DSCAML1: variants seen among roughly 807,000 people sequenced by gnomAD.
DSCAML1 encodes DS cell adhesion molecule like 1.
A neutral mutation model predicts 200.5 loss-of-function variants in DSCAML1; 38 were observed. The observed-to-expected ratio is 0.19, with a 90% CI of 0.15 to 0.25. DSCAML1 has a LOEUF of 0.25. DSCAML1 is among the 10% of genes least tolerant of loss of function. The pLI, the probability that DSCAML1 is intolerant of heterozygous loss-of-function variation, is 1.00. For missense variants in DSCAML1, 2,223 were observed against 2,858.8 expected, an observed-to-expected ratio of 0.78 and a Z score of 5.07; for synonymous variants, 1,215 against 1,165.0, an observed-to-expected ratio of 1.04 and a Z score of -0.87.
intron 21 of DSCAML1, among the ~76,000 whole-genome samples, chr11:117,442,499 G>C (rs1414046816): frequency 6.6e-6 from 1 of 152,002 alleles, no homozygotes; most frequent in East Asian, 1.9e-4. Flanking sequence ...ACATGTATGA[G>C]TGTGCAGTGT....
intron 19 of DSCAML1, among the ~76,000 whole-genome samples, chr11:117,455,310 A>G (rs1286324285): frequency 6.6e-6 from 1 of 152,196 alleles, no homozygotes; most frequent in Non-Finnish European, 1.5e-5. Context: ...CTCTGCCTTA[A>G]CAGGTTCTAA....
rs770857018 is a variant in DSCAML1, at chr11:117,505,463, T to C, written c.2053A>G (p.Ile685Val). The change falls in exon 9 of 33, where the codon ATC (isoleucine) becomes GTC (valine). Residue 685 changes from isoleucine (I) to valine (V), a missense_variant. By Grantham distance (29) the Ile-to-Val change is conservative (BLOSUM62 3). Coordinates refer to ENST00000651296, the MANE Select transcript of DSCAML1 (RefSeq NM_020693.4). The surrounding 1 kb of genome is among the most constrained non-coding windows in gnomAD (Gnocchi z 6.7). ...GCCTGTCCCTGCTCACCACGCACGA[T>C]GAGCTGGCGCTCCCGGCTCACGGTG... ...AATVSRERQL[I>V]VRVPPRFVVQ... 2 of 1,610,624 alleles carry C rather than the reference T, an allele frequency of 1.2e-6. No individual in the cohort carries two copies. The highest frequency in any genetic ancestry group is 1.1e-5 in the South Asian group (1 of 91,052).
intron 3 of DSCAML1, among the ~76,000 whole-genome samples, chr11:117,707,508 T>A (rs2053776619): frequency 6.6e-6 from 1 of 152,104 alleles, no homozygotes. Flanking sequence ...GACCCCTGCT[T>A]AACCCAAGGA....
At chr11:117,617,185 G>T (rs1171175982) in intron 3 of DSCAML1, among the ~76,000 whole-genome samples, 1 of 152,172 alleles carries the variant, frequency 6.6e-6, no homozygotes, top group Admixed American at 6.5e-5. Context: ...CTGGTAAGGG[G>T]TTGGGGAGCT....
chr11:117,680,228 C>A (rs1363223822), intron 3 of DSCAML1, among the ~76,000 whole-genome samples: 2 of 152,184 alleles, frequency 1.3e-5, no homozygotes, highest in Non-Finnish European at 2.9e-5. Flanking sequence ...GACCCCCAAC[C>A]AGGAAAACCC....
chr11:117,460,487 G>C (rs1163678969), intron 18 of DSCAML1, among the ~76,000 whole-genome samples: 1 of 152,100 alleles, frequency 6.6e-6, no homozygotes, highest in Non-Finnish European at 1.5e-5. Flanking sequence ...GCAGGAGCTG[G>C]GTGGGGGGCA....
At chr11:117,690,159 A>G (rs1279983440) in intron 3 of DSCAML1, among the ~76,000 whole-genome samples, 1 of 152,250 alleles carries the variant, frequency 6.6e-6, no homozygotes, top group Non-Finnish European at 1.5e-5. Flanking sequence ...ATTAACTAAC[A>G]AAACTATAAA....
In DSCAML1 at chr11:117,481,034, G is replaced by A. The variant is rs115179218; in HGVS notation, c.2656+140C>T. On this transcript the variant is annotated intron_variant, in intron 13 of 32. Transcript: ENST00000651296. ...CTCTGGGCAGGAGGGCAGGTGGAGG[G>A]AGGCTTTTCCCCAGAAGGCAGTTTC... 1.1e-3 allele frequency: 849 copies of A among 781,080 alleles called. 12 individuals are homozygous for A. In the African/African-American group the frequency reaches 0.013, roughly 12 times the overall value. The allele number at this position is 781,080 out of a possible 1,614,324, so 48.4% of individuals were successfully genotyped here.
intron 14 of DSCAML1, among the ~76,000 whole-genome samples, chr11:117,472,461 C>T (rs2048705069): frequency 6.6e-6 from 1 of 152,200 alleles, no homozygotes; most frequent in Non-Finnish European, 1.5e-5. Flanking sequence ...GAGGCTAAGT[C>T]TCCTCTCCTT....
intron 3 of DSCAML1, among the ~76,000 whole-genome samples, chr11:117,733,235 T>C (rs1356971134): frequency 6.6e-6 from 1 of 152,134 alleles, no homozygotes; most frequent in African/African-American, 2.4e-5. Context: ...GAACCTCCTG[T>C]TGCTCTCCCC....
chr11:117,485,034 C>A (rs1037028226), intron 11 of DSCAML1, among the ~76,000 whole-genome samples: 16 of 152,042 alleles, frequency 1.1e-4, no homozygotes, highest in African/African-American at 3.4e-4. Flanking sequence ...CTGCACTAAC[C>A]CTTCCAGGAC....
chr11:117,769,914 A>G (rs2055006696), intron 3 of DSCAML1, among the ~76,000 whole-genome samples: 1 of 152,076 alleles, frequency 6.6e-6, no homozygotes, highest in Admixed American at 6.6e-5. Flanking sequence ...CAGTACCTTC[A>G]TGAGTTAAAT....
intron 4 of DSCAML1, among the ~76,000 whole-genome samples, chr11:117,525,575 T>C (rs2049963921): frequency 6.6e-6 from 1 of 151,968 alleles, no homozygotes; most frequent in East Asian, 1.9e-4. Context: ...TTCTCCTGTC[T>C]CAGCCTCCCA....
At chr11:117,787,784 C>A (rs1238212910) in intron 1 of DSCAML1, among the ~76,000 whole-genome samples, 1 of 152,214 alleles carries the variant, frequency 6.6e-6, no homozygotes, top group South Asian at 2.1e-4. Flanking sequence ...TTTGCTAATT[C>A]CCAGGCCTTA....
At chr11:117,448,531 A>G (rs1253980980) in intron 20 of DSCAML1, among the ~76,000 whole-genome samples, 1 of 151,774 alleles carries the variant, frequency 6.6e-6, no homozygotes, top group Non-Finnish European at 1.5e-5. Context: ...GGAACGTGCC[A>G]CGGGAAGAAG....
intron 3 of DSCAML1, among the ~76,000 whole-genome samples, chr11:117,695,479 G>T (rs1210229689): frequency 6.6e-6 from 1 of 152,054 alleles, no homozygotes; most frequent in Non-Finnish European, 1.5e-5. Flanking sequence ...AGGTAAGCTT[G>T]TCCAGAGAGC....
intron 1 of DSCAML1, among the ~76,000 whole-genome samples, chr11:117,788,774 T>C (rs1178232822): frequency 6.6e-6 from 1 of 152,180 alleles, no homozygotes; most frequent in African/African-American, 2.4e-5. Flanking sequence ...GGCTCTTAGG[T>C]CAAATAATTT....
chr11:117,528,932 G>GC (rs150220972), intron 4 of DSCAML1, among the ~76,000 whole-genome samples: 1,223 of 79,256 alleles, frequency 0.015, 10 homozygotes, highest in Admixed American at 0.043. Context: ...GCCGCCCCCC[G>GC]CCCCCCCCCT....
At position 117,465,096 on chromosome 11, in the gene DSCAML1, G is replaced by A. The variant is rs112058218; in HGVS notation, c.3111C>T (p.Tyr1037=). The change falls in exon 17 of 33, where the codon TAC becomes TAT. Residue 1037 remains tyrosine (Y), a synonymous_variant. Coordinates refer to ENST00000651296, the MANE Select transcript of DSCAML1 (RefSeq NM_020693.4). ...RENSPGSNGQ[Y]SIVEMKATGD... ...CCGTGGCCTTCATCTCCACGATGCT[G>A]TACTGCCCGTTGCTGCCGGGGCTGT... is the stretch of plus-strand genomic sequence containing the variant. 2.4e-5 allele frequency: 39 copies of A among 1,614,138 alleles called. No individual in the cohort carries two copies. In the African/African-American group the frequency reaches 4.4e-4, roughly 18 times the overall value.
Sources: allele counts gnomAD v4.1 joint callset (sites outside exome capture counted in the v4.1 genomes callset), GRCh38; gene constraint gnomAD v4.1.1; non-coding constraint Gnocchi (gnomAD v3.1); transcripts MANE v1.5; gene names NCBI Gene and HGNC (gene_info 2026-07-23, HGNC 2026-07-21).